Variants in YIF1B observed in about 807,000 individuals in gnomAD.
YIF1B encodes protein YIF1B.
In YIF1B, 24 loss-of-function variants were observed where a neutral mutation model predicts 34.6. That is an observed-to-expected ratio of 0.69 (90% confidence interval 0.50 to 0.98). The LOEUF (loss-of-function observed/expected upper bound fraction) is 0.98. YIF1B is among the 50% of genes least tolerant of loss of function. The pLI, the probability that YIF1B is intolerant of heterozygous loss-of-function variation, is 0.00. For synonymous variants in YIF1B, 186 were observed against 184.8 expected (o/e 1.01, Z -0.05); for missense variants, 368 against 429.4 (o/e 0.86, Z 1.26).
chr19:38,310,423 C>A (rs908316627), intron 1 of YIF1B, among the ~76,000 whole-genome samples: 1 of 151,240 alleles, frequency 6.6e-6, no homozygotes, highest in Non-Finnish European at 1.5e-5. Context: ...ATCCACTCAC[C>A]AAGCTATCTA....
Position 38,304,851 on chromosome 19 carries a change from G to A in YIF1B, c.*501C>T, listed in dbSNP as rs760412340. The A allele has an allele frequency of 1.1e-5, 18 of 1,613,524 alleles. No homozygotes were observed. The South Asian group carries it at 1.5e-4, about 14-fold the overall frequency. ...CCTGCCCTCGGCCCCACAGTCCCACGCTGCTGGCTCCAAGCAGCACGAGAG... is the reference window on the plus strand; with the variant it reads ...CCTGCCCTCGGCCCCACAGTCCCACACTGCTGGCTCCAAGCAGCACGAGAG... On this transcript the variant is annotated 3_prime_UTR_variant, in exon 8 of 8. Coordinates refer to ENST00000339413, the MANE Select transcript of YIF1B (RefSeq NM_001039672.3).
upstream of YIF1B, among the ~76,000 whole-genome samples, chr19:38,321,423 AC>A (rs1969650836): frequency 1.3e-5 from 2 of 152,018 alleles, no homozygotes; most frequent in South Asian, 4.1e-4. Context: ...TAGGGACACC[AC>A]CTGTTCCCTC....
Position 38,309,943 on chromosome 19 carries a change from T to A in YIF1B, c.59-300A>T, listed in dbSNP as rs905142352. On this transcript the variant is annotated intron_variant, in intron 1 of 7. Transcript: ENST00000339413. The stretch of plus-strand genomic sequence containing the variant: ...TCCCACTCACCCACCCATCCATCCA[T>A]CTATCCATCTAACCATCCATCCATC... The A allele has an allele frequency of 9.2e-5, 72 of 785,286 alleles. No individual in the cohort carries two copies. The Middle Eastern group carries it at 1.7e-3, about 18-fold the overall frequency. The allele number at this position is 785,286 out of a possible 1,614,324, so 48.6% of individuals were successfully genotyped here. A position where few individuals can be genotyped will look rare whatever the true frequency, so the allele number is the denominator to read the frequency against.
chr19:38,320,404 C>T, upstream of YIF1B: 10 of 964,856 alleles, frequency 1.0e-5, 1 homozygote, highest in Non-Finnish European at 1.5e-5. Flanking sequence ...CCCGAAAAGA[C>T]CCCAGTGAGG....
upstream of YIF1B, chr19:38,319,987 G>C: frequency 6.8e-7 from 1 of 1,473,854 alleles, no homozygotes; most frequent in African/African-American, 1.5e-5. Context: ...CGCCTTGGCC[G>C]CGTACGCCGC....
At chr19:38,316,960 C>T (rs1969572619), upstream of YIF1B, among the ~76,000 whole-genome samples, 2 of 152,164 alleles carry the variant, frequency 1.3e-5, no homozygotes, top group African/African-American at 4.8e-5. Context: ...AGTGCCCGGC[C>T]TTAAAGTGAA....
At chr19:38,307,838 AG>A (rs1436714522) in intron 5 of YIF1B, 86 bp from the exon 6 acceptor site, 2 of 1,531,768 alleles carry the variant, frequency 1.3e-6, no homozygotes, top group African/African-American at 2.7e-5. Context: ...TGTGTTGGGT[AG>A]GGCTGGACAC....
Position 38,304,108 on chromosome 19 carries a change from C to T in YIF1B, c.*1244G>A, listed in dbSNP as rs1205597992. 2 of 878,158 alleles carry T rather than the reference C, an allele frequency of 2.3e-6. No individual in the cohort carries two copies. Among genetic ancestry groups the T allele is most frequent in the Non-Finnish European group, 1.7e-6 (1 of 580,504 alleles). 54.4% of individuals were successfully genotyped at this position (878,158 alleles called of 1,614,324 possible). ...CTCACAGAGGAAATCCTGGGTGGTG[C>T]CGGGCAATGAGTCAGGGCTGAGGAC... On this transcript the variant is annotated 3_prime_UTR_variant, in exon 8 of 8. Transcript: ENST00000339413.
chr19:38,308,989 G>C lies in YIF1B; in HGVS notation c.471C>G (p.Leu157=). ...GGGGGAGGGTGAAACCTGGAATGTA[G>C]AGGTCCGGGGCATTGACGTCAAAGC... ...APRFDVNAPD[L]YIPAMAFITY... is the part of the protein sequence containing the mutation. The change falls in exon 4 of 8, where the codon CTC becomes CTG. Residue 157 remains leucine, a synonymous_variant. Transcript: ENST00000339413. The C allele has an allele frequency of 6.3e-7, 1 of 1,595,102 alleles. No homozygotes were observed. Among genetic ancestry groups the C allele is most frequent in the Non-Finnish European group, 8.6e-7 (1 of 1,168,904 alleles).
chr19:38,317,432 T>C (rs1209481848), upstream of YIF1B, among the ~76,000 whole-genome samples: 3 of 152,204 alleles, frequency 2.0e-5, no homozygotes, highest in Non-Finnish European at 4.4e-5. Context: ...GGTTCCTTTT[T>C]GTGAGCGAAA....
chr19:38,307,703 G>T lies in YIF1B; in HGVS notation c.589C>A (p.Leu197Met). The T allele has an allele frequency of 6.2e-7, 1 of 1,613,370 alleles. No homozygotes were observed. Among genetic ancestry groups the T allele is most frequent in the Non-Finnish European group, 8.5e-7 (1 of 1,180,004 alleles). The stretch of plus-strand genomic sequence containing the variant: ...AGGATGGCCAGCACCTCCAGGGTCA[G>T]CCAGGCCAGGGCTGAGCTCGCTTGC... ...GLQASSALAW[L>M]TLEVLAILLS... The change falls in exon 6 of 8, where the codon CTG becomes ATG. Residue 197 changes from leucine (L) to methionine (M), a missense_variant. This residue lies in a region of YIF1B where 208 missense variants were observed against 247.8 expected (regional missense o/e 0.84). Transcript: ENST00000339413.
intron 7 of YIF1B, among the ~76,000 whole-genome samples, chr19:38,306,528 G>C (rs1156774230): frequency 6.6e-6 from 1 of 151,964 alleles, no homozygotes; most frequent in Non-Finnish European, 1.5e-5. Context: ...TAAATGATGA[G>C]ACTTAAGTCA....
At chr19:38,318,823 C>A (rs1317080415), upstream of YIF1B, among the ~76,000 whole-genome samples, 1 of 152,138 alleles carries the variant, frequency 6.6e-6, no homozygotes, top group Non-Finnish European at 1.5e-5. Context: ...CTCCAAAAGG[C>A]TGTCAGGAAG....
intron 1 of YIF1B, among the ~76,000 whole-genome samples, chr19:38,312,022 G>A (rs1476560972): frequency 1.3e-5 from 2 of 152,040 alleles, no homozygotes; most frequent in East Asian, 3.9e-4. Context: ...GCTTGAACCG[G>A]GACCGGGGAG....
chr19:38,312,032 G>T (rs1279444223), intron 1 of YIF1B, among the ~76,000 whole-genome samples: 1 of 152,120 alleles, frequency 6.6e-6, no homozygotes, highest in Non-Finnish European at 1.5e-5. Flanking sequence ...GGACCGGGGA[G>T]GTGGAGGTTG....
Position 38,304,418 on chromosome 19 carries a change from CG to C in YIF1B, c.*933del. On this transcript the variant is annotated 3_prime_UTR_variant, in exon 8 of 8. Coordinates refer to ENST00000339413, the MANE Select transcript of YIF1B (RefSeq NM_001039672.3). ...AGAAGCCCGGTGTGGGGGCGGGCCA[CG>C]GGGGAGATCCCAAGCTCAGTCCCCA... 1.3e-6 allele frequency: 2 copies of C among 1,562,656 alleles called. No homozygotes were observed. The highest frequency in any genetic ancestry group is 8.7e-7 in the Non-Finnish European group (1 of 1,154,044).
chr19:38,316,099 T>G, upstream of YIF1B: 1 of 934,060 alleles, frequency 1.1e-6, no homozygotes, highest in Non-Finnish European at 1.4e-6. Context: ...GTGCCTTACG[T>G]AAGAGGCGGA....
chr19:38,318,054 G>A (rs918588053), upstream of YIF1B, among the ~76,000 whole-genome samples: 2 of 150,716 alleles, frequency 1.3e-5, no homozygotes, highest in Non-Finnish European at 3.0e-5. Context: ...TTAGCTGGGT[G>A]TTGTGGCGGG....
chr19:38,311,587 G>A (rs1314450525), intron 1 of YIF1B, among the ~76,000 whole-genome samples: 2 of 152,024 alleles, frequency 1.3e-5, no homozygotes, highest in Admixed American at 6.5e-5. Context: ...CATAGTATGA[G>A]AGCCAGGTTT....
Sources: allele counts gnomAD v4.1 joint callset (sites outside exome capture counted in the v4.1 genomes callset), GRCh38; gene constraint gnomAD v4.1.1; regional missense constraint gnomAD v4.1.1; transcripts MANE v1.5; gene names NCBI Gene and HGNC (gene_info 2026-07-23, HGNC 2026-07-21).